BBS5: variants seen among roughly 807,000 people sequenced by gnomAD.
The protein encoded by BBS5 is Bardet-Biedl syndrome 5.
A neutral mutation model predicts 50.2 loss-of-function variants in BBS5; 39 were observed. That is an observed-to-expected ratio of 0.78 (90% confidence interval 0.60 to 1.01). BBS5 has a LOEUF of 1.01. Among genes scored for constraint, BBS5 ranks in the 50% least tolerant of loss-of-function variants. The pLI, the probability that BBS5 is intolerant of heterozygous loss-of-function variation, is 0.00. For missense variants in BBS5, 356 were observed against 401.5 expected (o/e 0.89, Z 0.97); for synonymous variants, 134 against 133.1 (o/e 1.01, Z -0.05).
chr2:169,481,866 T>A (rs1287095039), intron 1 of BBS5, among the ~76,000 whole-genome samples: 1 of 152,200 alleles, frequency 6.6e-6, no homozygotes, highest in Non-Finnish European at 1.5e-5. Flanking sequence ...CATAGTCTGG[T>A]TCCTCCTTAG....
intron 2 of BBS5, among the ~76,000 whole-genome samples, chr2:169,485,223 A>T (rs947022684): frequency 2.0e-5 from 3 of 152,258 alleles, no homozygotes; most frequent in Non-Finnish European, 4.4e-5. Flanking sequence ...AACCAAAAAA[A>T]GTTAAAAATG....
At position 169,488,229 on chromosome 2, in the gene BBS5, C is replaced by G. The variant is rs150943592; in HGVS notation, c.386+115C>G. On this transcript the variant is annotated intron_variant, in intron 5 of 11. Transcript: ENST00000295240. ...ACCAGTTTCATGGAAGACAGTTTTTCCACGAATTGGGTGAGGGTATGGTTT... is the reference window on the plus strand; with the variant it reads ...ACCAGTTTCATGGAAGACAGTTTTTGCACGAATTGGGTGAGGGTATGGTTT... The G allele has an allele frequency of 3.5e-4, 353 of 1,000,034 alleles. 1 individual carries two copies. The African/African-American group carries it at 5.2e-3, about 15-fold the overall frequency. 61.9% of individuals were successfully genotyped at this position (1,000,034 alleles called of 1,614,324 possible).
chr2:169,499,855 G>A (rs1683765918), intron 9 of BBS5, among the ~76,000 whole-genome samples: 1 of 152,264 alleles, frequency 6.6e-6, no homozygotes, highest in South Asian at 2.1e-4. Context: ...CTTGTAGGTG[G>A]GCAGCCACCT....
Position 169,485,466 on chromosome 2 carries a change from C to T in BBS5, c.143-1603C>T, listed in dbSNP as rs1683473675. Among the ~76,000 whole-genome samples, 3 of 152,220 alleles carry T rather than the reference C, an allele frequency of 2.0e-5. No homozygotes were observed. In the South Asian group the frequency reaches 6.2e-4, roughly 32 times the overall value. ...GCTAGGTGATGAACCTAACTGCCTA[C>T]ATTGATTTCTAAACTGGGAGGGTCA... On this transcript the variant is annotated intron_variant, in intron 2 of 11. Coordinates refer to ENST00000295240, the MANE Select transcript of BBS5 (RefSeq NM_152384.3).
At chr2:169,498,806 C>CAAA (rs368910049) in intron 8 of BBS5, among the ~76,000 whole-genome samples, 24 of 72,084 alleles carry the variant, frequency 3.3e-4, no homozygotes, top group African/African-American at 1.0e-3. Context: ...GACTCTGTCT[C>CAAA]AAAAAAAAAA....
chr2:169,494,173 C>T (rs1303556082), intron 7 of BBS5, among the ~76,000 whole-genome samples: 2 of 152,140 alleles, frequency 1.3e-5, no homozygotes, highest in African/African-American at 4.8e-5. Context: ...GTAACTTTTT[C>T]ATGAGGCAGG....
chr2:169,498,058 C>T (rs1683727461), intron 8 of BBS5, among the ~76,000 whole-genome samples: 1 of 152,154 alleles, frequency 6.6e-6, no homozygotes, highest in Admixed American at 6.5e-5. Context: ...GAACCTTGAC[C>T]ATGATCTCAC....
At chr2:169,504,242 C>T in intron 10 of BBS5, 61 bp from the exon 11 acceptor site, 2 of 1,405,538 alleles carry the variant, frequency 1.4e-6, no homozygotes, top group Non-Finnish European at 2.0e-6. Flanking sequence ...TTCCTTAGCC[C>T]ACTGATCTAT....
chr2:169,494,483 G>A (rs942337382), intron 7 of BBS5, among the ~76,000 whole-genome samples: 1 of 151,956 alleles, frequency 6.6e-6, no homozygotes, highest in Non-Finnish European at 1.5e-5. Context: ...TTGAGAGGCA[G>A]AGGCGGGAGG....
At chr2:169,499,688 T>C (rs1683764202) in intron 9 of BBS5, 68 bp downstream of exon 9, 3 of 1,462,874 alleles carry the variant, frequency 2.1e-6, no homozygotes, top group Non-Finnish European at 1.9e-6. Flanking sequence ...CAGATGTAGA[T>C]ACCACTGTGC....
At position 169,479,608 on chromosome 2, in the gene BBS5, G is replaced by C. The variant is rs1318904988; in HGVS notation, c.55G>C (p.Ala19Pro). ...TCGGGATGTCCGTTTCGACCTGTCC[G>C]CGCAGTGAGTTTCCAAGATTCCCGA... ...EDRDVRFDLSAQQMKTRPGEV... is the reference protein window; with the variant it reads ...EDRDVRFDLSPQQMKTRPGEV... The change falls in exon 1 of 12, where the codon GCG (alanine) becomes CCG (proline). Residue 19 changes from alanine (A) to proline (P), a missense_variant. By Grantham distance (27) the Ala-to-Pro change is conservative. Coordinates refer to ENST00000295240, the MANE Select transcript of BBS5 (RefSeq NM_152384.3). 6.2e-7 allele frequency: 1 copy of C among 1,614,140 alleles called. No homozygotes were observed. Among genetic ancestry groups the C allele is most frequent in the African/African-American group, 1.3e-5 (1 of 75,062 alleles).
In BBS5 at chr2:169,493,024, G is replaced by A; in HGVS notation, c.522+15G>A. ...CCAGTGATCAGGTATTGTGCAAAGAGCTAGTGAACCTTTTGGGACAGTGTT... is the reference window on the plus strand; with the variant it reads ...CCAGTGATCAGGTATTGTGCAAAGAACTAGTGAACCTTTTGGGACAGTGTT... On this transcript the variant is annotated intron_variant, in intron 6 of 11. Coordinates refer to ENST00000295240, the MANE Select transcript of BBS5 (RefSeq NM_152384.3). 1 of 1,613,174 alleles carries A rather than the reference G, an allele frequency of 6.2e-7. No homozygotes were observed. The highest frequency in any genetic ancestry group is 2.2e-5 in the East Asian group (1 of 44,746).
chr2:169,492,546 C>A, intron 5 of BBS5, among the ~76,000 whole-genome samples: 1 of 150,062 alleles, frequency 6.7e-6, no homozygotes. Flanking sequence ...ACTAAAATGA[C>A]AAATTCTACA....
chr2:169,487,299 G>T (rs1355657978), intron 3 of BBS5, among the ~76,000 whole-genome samples, 165 bp downstream of exon 3: 1 of 151,956 alleles, frequency 6.6e-6, no homozygotes, highest in Non-Finnish European at 1.5e-5. Flanking sequence ...TTATTATTTT[G>T]GTTTGTCCAT....
chr2:169,492,790 C>A, intron 5 of BBS5, 84 bp from the exon 6 acceptor site: 1 of 1,163,678 alleles, frequency 8.6e-7, no homozygotes, highest in Non-Finnish European at 1.2e-6. Flanking sequence ...TAAATACTAA[C>A]AACTACATAT....
At chr2:169,489,938 A>G (rs1054931430) in intron 5 of BBS5, among the ~76,000 whole-genome samples, 1 of 123,560 alleles carries the variant, frequency 8.1e-6, no homozygotes, top group African/African-American at 3.3e-5. Flanking sequence ...TGCAGCTGCT[A>G]TCTCAGCTCA....
intron 5 of BBS5, among the ~76,000 whole-genome samples, chr2:169,489,851 C>CTTTTT (rs71003093): frequency 7.6e-5 from 5 of 65,902 alleles, no homozygotes; most frequent in African/African-American, 3.3e-4. Flanking sequence ...CATAAATTTC[C>CTTTTT]TTTTTTTTTT....
intron 3 of BBS5, 105 bp downstream of exon 3, chr2:169,487,239 TA>T (rs1189466272): frequency 1.2e-5 from 9 of 781,582 alleles, no homozygotes; most frequent in Non-Finnish European, 8.7e-6. Flanking sequence ...TTAATAAAAA[TA>T]AAAAACCTTC....
chr2:169,485,049 G>T (rs1380098683), intron 2 of BBS5, among the ~76,000 whole-genome samples: 1 of 152,184 alleles, frequency 6.6e-6, no homozygotes. Context: ...AACAGAGGTG[G>T]TTGGTGGTTT....
Sources: allele counts gnomAD v4.1 joint callset (sites outside exome capture counted in the v4.1 genomes callset), GRCh38; gene constraint gnomAD v4.1.1; transcripts MANE v1.5; gene names NCBI Gene and HGNC (gene_info 2026-07-23, HGNC 2026-07-21).